PKHD1: variants seen among roughly 807,000 people sequenced by gnomAD.
The protein encoded by PKHD1 is fibrocystin.
A neutral mutation model predicts 412.0 loss-of-function variants in PKHD1; 291 were observed. The ratio of observed to expected loss-of-function variants is 0.71; its 90% CI spans 0.64 to 0.78. PKHD1 has a LOEUF of 0.78. Ranked by LOEUF, PKHD1 falls within the 30% of genes least tolerant of loss-of-function variation. PKHD1 has a pLI of 0.00. For synonymous variants in PKHD1, 1,777 were observed against 1,821.5 expected (o/e 0.98, Z 0.62); for missense variants, 4,825 against 4,950.7 (o/e 0.97, Z 0.76).
intron 35 of PKHD1, among the ~76,000 whole-genome samples, chr6:51,991,325 T>C (rs770694661): frequency 1.3e-5 from 2 of 152,194 alleles, no homozygotes; most frequent in Non-Finnish European, 1.5e-5. Flanking sequence ...TGTGCTCTAA[T>C]TTTTAATACA....
chr6:51,896,887 G>A (rs1780137019), intron 43 of PKHD1, among the ~76,000 whole-genome samples: 1 of 152,172 alleles, frequency 6.6e-6, no homozygotes, highest in African/African-American at 2.4e-5. Context: ...CAGGAGCCAT[G>A]CGATCAACTG....
chr6:51,793,510 C>A (rs891472651), intron 52 of PKHD1, among the ~76,000 whole-genome samples: 1 of 152,142 alleles, frequency 6.6e-6, no homozygotes, highest in Non-Finnish European at 1.5e-5. Flanking sequence ...TCCTCTTCCT[C>A]CTCCCACCAC....
chr6:51,867,789 C>T (rs1427204445), intron 48 of PKHD1, 74 bp downstream of exon 48: 4 of 1,365,454 alleles, frequency 2.9e-6, no homozygotes, highest in Non-Finnish European at 3.1e-6. Context: ...AATTTCCCTT[C>T]TATAAGCCTC....
At chr6:51,881,075 CTTTTT>C (rs371470393) in intron 46 of PKHD1, among the ~76,000 whole-genome samples, 10 of 134,032 alleles carry the variant, frequency 7.5e-5, no homozygotes, top group Middle Eastern at 3.8e-3. Flanking sequence ...CTTTTTCTTT[CTTTTT>C]TTTTTTTTTT....
chr6:51,939,163 C>T (rs1788034942), intron 36 of PKHD1, among the ~76,000 whole-genome samples: 1 of 151,204 alleles, frequency 6.6e-6, no homozygotes, highest in African/African-American at 2.4e-5. Flanking sequence ...GCAAGGACCC[C>T]CCTGACCCCT....
At chr6:51,791,798 T>C (rs1457833231) in intron 52 of PKHD1, among the ~76,000 whole-genome samples, 17 of 152,232 alleles carry the variant, frequency 1.1e-4, no homozygotes, top group Admixed American at 1.1e-3. Flanking sequence ...ACTTACTAGC[T>C]GTCTAGGCAA....
intron 35 of PKHD1, among the ~76,000 whole-genome samples, chr6:52,006,179 T>C (rs1003988396): frequency 2.0e-5 from 3 of 151,624 alleles, no homozygotes; most frequent in Non-Finnish European, 2.9e-5. Context: ...AAATTATATA[T>C]ATATATATAT....
Position 51,978,445 on chromosome 6 carries a change from C to G in PKHD1, c.5752-18419G>C, listed in dbSNP as rs1014338902. 2.2e-4 allele frequency among the ~76,000 whole-genome samples: 34 copies of G among 152,022 alleles called. 1 individual carries two copies. The highest frequency in any genetic ancestry group is 8.0e-4 in the African/African-American group (33 of 41,364). ...AGCCAAGGAACTTGCAGGGGATGGA[C>G]TAGAGGTGAGGAACAGGAAACACCC... On this transcript the variant is annotated intron_variant, in intron 35 of 66. Coordinates refer to ENST00000371117, the MANE Select transcript of PKHD1 (RefSeq NM_138694.4).
At chr6:52,036,989 T>A (rs544447755) in intron 27 of PKHD1, among the ~76,000 whole-genome samples, 38 of 152,148 alleles carry the variant, frequency 2.5e-4, no homozygotes, top group African/African-American at 9.2e-4. Context: ...AAACAAAATT[T>A]CAAAAAGAAG....
rs67157925 is a variant in PKHD1, at chr6:51,694,548, C to CTTTTTTT, written c.10157-34586_10157-34580dup. ...ACAGGTGCCCGCCACCACAACCAGCCTTTTTTTTTTTTTTTTTTTTTTTTT... is the reference window on the plus strand; with the variant it reads ...ACAGGTGCCCGCCACCACAACCAGCCTTTTTTTTTTTTTTTTTTTTTTTTTTTTTTTT... On this transcript the variant is annotated intron_variant, in intron 60 of 66. Coordinates refer to ENST00000371117, the MANE Select transcript of PKHD1 (RefSeq NM_138694.4). 1.3e-4 allele frequency among the ~76,000 whole-genome samples: 5 copies of CTTTTTTT among 37,706 alleles called. 1 individual carries two copies. Among genetic ancestry groups the CTTTTTTT allele is most frequent in the Non-Finnish European group, 1.8e-4 (4 of 22,640 alleles). 24.7% of individuals were successfully genotyped at this position (37,706 alleles called of 152,430 possible).
rs1810413914 is a variant in PKHD1, at chr6:52,070,336, A to G, written c.707+70T>C. ...TCCGTCATAAAAAGATAAAGAAAGTAAGCAAGATGAGAGAGATAGGTAATA... is the reference window on the plus strand; with the variant it reads ...TCCGTCATAAAAAGATAAAGAAAGTGAGCAAGATGAGAGAGATAGGTAATA... On this transcript the variant is annotated intron_variant, in intron 10 of 66. Transcript: ENST00000371117. 4 of 957,578 alleles carry G rather than the reference A, an allele frequency of 4.2e-6. No homozygotes were observed. In the East Asian group the frequency reaches 9.6e-5, roughly 23 times the overall value. The allele number at this position is 957,578 out of a possible 1,614,324, so 59.3% of individuals were successfully genotyped here.
intron 60 of PKHD1, among the ~76,000 whole-genome samples, chr6:51,741,872 A>G (rs1784597249): frequency 6.6e-6 from 1 of 152,242 alleles, no homozygotes; most frequent in African/African-American, 2.4e-5. Context: ...TATAATTTTC[A>G]TCAAATACTC....
At chr6:51,830,671 T>C (rs891334657) in intron 52 of PKHD1, among the ~76,000 whole-genome samples, 190 bp downstream of exon 52, 4 of 152,196 alleles carry the variant, frequency 2.6e-5, no homozygotes, top group African/African-American at 9.6e-5. Flanking sequence ...TAGGTTAATT[T>C]TGGGGGGATT....
chr6:51,807,265 T>C (rs1763911599), intron 52 of PKHD1, among the ~76,000 whole-genome samples: 1 of 150,330 alleles, frequency 6.7e-6, no homozygotes. Flanking sequence ...CATCTCTACT[T>C]CTCTACTAAA....
chr6:51,967,767 C>T (rs774375745), intron 35 of PKHD1, among the ~76,000 whole-genome samples: 1 of 152,056 alleles, frequency 6.6e-6, no homozygotes, highest in Non-Finnish European at 1.5e-5. Context: ...ACATGCTAGC[C>T]TTTTTCACAA....
At chr6:52,032,622 T>C (rs1386294591) in intron 29 of PKHD1, among the ~76,000 whole-genome samples, 1 of 152,248 alleles carries the variant, frequency 6.6e-6, no homozygotes, top group Non-Finnish European at 1.5e-5. Flanking sequence ...GTTCAAATCT[T>C]AGATAAATTA....
chr6:52,070,184 C>G, intron 10 of PKHD1, among the ~76,000 whole-genome samples: 1 of 152,256 alleles, frequency 6.6e-6, no homozygotes, highest in African/African-American at 2.4e-5. Flanking sequence ...TCTGCAACAC[C>G]ACCATATTGA....
intron 60 of PKHD1, among the ~76,000 whole-genome samples, chr6:51,740,549 T>A (rs1784433915): frequency 6.6e-6 from 1 of 152,354 alleles, no homozygotes; most frequent in South Asian, 2.1e-4. Context: ...TCACCTTAGC[T>A]GCATTGCTTT....
intron 8 of PKHD1, 88 bp downstream of exon 8, chr6:52,072,027 G>C (rs1810682889): frequency 6.2e-6 from 5 of 810,778 alleles, no homozygotes; most frequent in Admixed American, 3.4e-5. Flanking sequence ...ATGGTGAGTG[G>C]GGAGAGAAAG....
Sources: allele counts gnomAD v4.1 joint callset (sites outside exome capture counted in the v4.1 genomes callset), GRCh38; gene constraint gnomAD v4.1.1; transcripts MANE v1.5; gene names NCBI Gene and HGNC (gene_info 2026-07-23, HGNC 2026-07-21).